IYD: variants seen among roughly 807,000 people sequenced by gnomAD.
The protein encoded by IYD is iodotyrosine deiodinase, also known as iodotyrosine deiodinase 1.
IYD carries 25 observed loss-of-function variants against 28.4 expected under a neutral mutation model. That is an observed-to-expected ratio of 0.88 (90% CI 0.64 to 1.23). The LOEUF (loss-of-function observed/expected upper bound fraction) is 1.23. IYD is among the 50% of genes most tolerant of loss of function. The pLI is 0.00. For synonymous variants in IYD, 140 were observed against 130.8 expected, an observed-to-expected ratio of 1.07 and a Z score of -0.48; for missense variants, 352 against 357.9, an observed-to-expected ratio of 0.98 and a Z score of 0.13.
chr6:150,392,402 C>A lies in IYD; in HGVS notation c.428C>A (p.Pro143Gln), dbSNP rs1457805066. ...EPWTFVVVKD[P>Q]DVKHKIRKII... ...TGGACCTTCGTGGTTGTGAAGGACC[C>A]AGACGTGAAGCACAAGATTCGAAAG... Residue 143 changes from proline to glutamine, a missense_variant, in exon 3 of 5, where the codon CCA becomes CAA. By Grantham distance (76) the Pro-to-Gln change is moderately conservative. Coordinates refer to ENST00000344419, the MANE Select transcript of IYD (RefSeq NM_203395.3). The A allele has an allele frequency of 3.7e-6, 6 of 1,613,640 alleles. No homozygotes were observed. Among genetic ancestry groups the A allele is most frequent in the Non-Finnish European group, 5.1e-6 (6 of 1,179,800 alleles).
intron 1 of IYD, among the ~76,000 whole-genome samples, chr6:150,375,471 T>C (rs1777412777): frequency 6.6e-6 from 1 of 152,238 alleles, no homozygotes; most frequent in Admixed American, 6.5e-5. Flanking sequence ...AAAAGCCTTA[T>C]GATCGTGATG....
intron 1 of IYD, among the ~76,000 whole-genome samples, chr6:150,383,706 T>C (rs1777736997): frequency 6.7e-6 from 1 of 148,316 alleles, no homozygotes; most frequent in Non-Finnish European, 1.5e-5. Flanking sequence ...CTCATGCCTG[T>C]AATCCCAGCA....
rs1305664268 is a variant in IYD, at chr6:150,400,619, G to A, written c.*2382G>A. The A allele has an allele frequency of 3.9e-5, 6 of 152,206 alleles. No individual in the cohort carries two copies. The highest frequency in any genetic ancestry group is 1.4e-4 in the African/African-American group (6 of 41,448). 9.4% of individuals were successfully genotyped at this position (152,206 alleles called of 1,614,324 possible). A position where few individuals can be genotyped will look rare whatever the true frequency, so the allele number is the denominator to read the frequency against. On this transcript the variant is annotated 3_prime_UTR_variant, in exon 5 of 5. Coordinates refer to ENST00000344419, the MANE Select transcript of IYD (RefSeq NM_203395.3). ...AATAGGCCTGGACTATTTAAGGAGT[G>A]AGTGTCACTGTGGGAAGAATAAGAG...
In IYD at chr6:150,398,062, GT is replaced by G. The variant is rs1158953029; in HGVS notation, c.696del (p.Leu233TrpfsTer2). On this transcript the variant is annotated frameshift_variant, in exon 5 of 5. Transcript: ENST00000344419. LOFTEE classifies it high-confidence loss of function. ...GILLAALQNAGLVTVTTTPLN... is the reference protein window; with the variant it reads ...GILLAALQNAXLVTVTTTPLN... ...CTTGTCCTCTTATTTTAGAATGCAG[GT>G]CTGGTGACTGTCACTACCACTCCTC... 4 of 1,614,128 alleles carry G rather than the reference GT, an allele frequency of 2.5e-6. No individual in the cohort carries two copies. Among genetic ancestry groups the G allele is most frequent in the Non-Finnish European group, 3.4e-6 (4 of 1,180,004 alleles).
rs1334148969 is a variant in IYD, at chr6:150,398,098, G to T, written c.731G>T (p.Gly244Val). Residue 244 changes from glycine (G) to valine (V), a missense_variant, in exon 5 of 5, where the codon GGC (glycine) becomes GTC (valine). Transcript: ENST00000344419. ...VTVTTTPLNCGPRLRVLLGRP... is the reference protein window; with the variant it reads ...VTVTTTPLNCVPRLRVLLGRP... ...GTCACTACCACTCCTCTCAACTGTG[G>T]CCCTCGACTGAGGGTGCTCCTGGGC... The T allele has an allele frequency of 1.2e-6, 2 of 1,614,128 alleles. 1 individual carries two copies. Among genetic ancestry groups the T allele is most frequent in the South Asian group, 2.2e-5 (2 of 91,074 alleles).
chr6:150,393,193 T>G (rs1038843823), intron 3 of IYD, among the ~76,000 whole-genome samples: 16 of 152,300 alleles, frequency 1.1e-4, no homozygotes, highest in Admixed American at 3.9e-4. Context: ...AGGGGGTGGG[T>G]ACACAAGAGT....
At chr6:150,391,105 C>T (rs1393409098) in intron 2 of IYD, among the ~76,000 whole-genome samples, 2 of 151,826 alleles carry the variant, frequency 1.3e-5, no homozygotes, top group African/African-American at 4.9e-5. Context: ...GATGTGGTGG[C>T]AGGTGCCTGT....
intron 1 of IYD, among the ~76,000 whole-genome samples, chr6:150,384,034 A>T (rs1777766113): frequency 2.6e-5 from 4 of 152,166 alleles, no homozygotes; most frequent in Admixed American, 1.3e-4. Flanking sequence ...TCCTAAAGAC[A>T]CAATTTAGGT....
chr6:150,375,840 C>T (rs1192448657), intron 1 of IYD, among the ~76,000 whole-genome samples: 1 of 152,174 alleles, frequency 6.6e-6, no homozygotes, highest in African/African-American at 2.4e-5. Context: ...TAACATCACT[C>T]CTCAAGGCTT....
intron 1 of IYD, among the ~76,000 whole-genome samples, chr6:150,370,291 GTGAGTGTGTGTGCA>G (rs1409534508): frequency 1.1e-4 from 16 of 145,848 alleles, no homozygotes; most frequent in East Asian, 4.3e-4. Context: ...ATGTGCATGT[GTGAGTGTGTGTGCA>G]TGAGTGTGTG....
Position 150,389,666 on chromosome 6 carries a change from A to T in IYD, c.370+123A>T, listed in dbSNP as rs1778037738. On this transcript the variant is annotated intron_variant, in intron 2 of 4. Coordinates refer to ENST00000344419, the MANE Select transcript of IYD (RefSeq NM_203395.3). ...GCCTAGAGTGATATGTTTATCTATAAAGTCTTACCCAAATGCTGAGTGAGT... is the reference window on the plus strand; with the variant it reads ...GCCTAGAGTGATATGTTTATCTATATAGTCTTACCCAAATGCTGAGTGAGT... 10 of 906,032 alleles carry T rather than the reference A, an allele frequency of 1.1e-5. No homozygotes were observed. The South Asian group carries it at 1.4e-4, about 12-fold the overall frequency. The allele number at this position is 906,032 out of a possible 1,614,324, so 56.1% of individuals were successfully genotyped here.
intron 1 of IYD, among the ~76,000 whole-genome samples, chr6:150,382,277 T>C (rs1426333014): frequency 6.6e-6 from 1 of 152,184 alleles, no homozygotes; most frequent in Non-Finnish European, 1.5e-5. Context: ...TGAGGCCGTC[T>C]CTCAGCTTGC....
rs577393140 is a variant in IYD, at chr6:150,378,165, C to T, written c.178+8956C>T. Among the ~76,000 whole-genome samples, 76 of 152,140 alleles carry T rather than the reference C, an allele frequency of 5.0e-4. 1 individual carries two copies. The highest frequency in any genetic ancestry group is 8.4e-4 in the Non-Finnish European group (57 of 67,988). On this transcript the variant is annotated intron_variant, in intron 1 of 4. Coordinates refer to ENST00000344419, the MANE Select transcript of IYD (RefSeq NM_203395.3). ...TTTGACCTTCTTCCACTCTTCCTTTCTTTTTATTTTATTTTATTTTATTAT... is the reference window on the plus strand; with the variant it reads ...TTTGACCTTCTTCCACTCTTCCTTTTTTTTTATTTTATTTTATTTTATTAT...
At chr6:150,388,783 C>T (rs1304396954) in intron 1 of IYD, among the ~76,000 whole-genome samples, 1 of 149,076 alleles carries the variant, frequency 6.7e-6, no homozygotes, top group Non-Finnish European at 1.5e-5. Flanking sequence ...CTCACTGCAA[C>T]TTCTGCCTCC....
intron 4 of IYD, among the ~76,000 whole-genome samples, chr6:150,394,897 C>T (rs1778254106): frequency 6.6e-6 from 1 of 152,224 alleles, no homozygotes; most frequent in Non-Finnish European, 1.5e-5. Flanking sequence ...GGCACCATCA[C>T]AGCTCACTGC....
At chr6:150,388,090 A>G (rs756936906) in intron 1 of IYD, among the ~76,000 whole-genome samples, 11 of 152,122 alleles carry the variant, frequency 7.2e-5, no homozygotes, top group African/African-American at 1.2e-4. Context: ...ACTTAAAATT[A>G]TTTGTATATT....
At chr6:150,393,146 T>C (rs1387926964) in intron 3 of IYD, among the ~76,000 whole-genome samples, 1 of 152,234 alleles carries the variant, frequency 6.6e-6, no homozygotes, top group Non-Finnish European at 1.5e-5. Context: ...TAAGCCACTT[T>C]ATGTATTTTA....
chr6:150,383,156 C>A (rs1311074613), intron 1 of IYD, among the ~76,000 whole-genome samples: 1 of 152,130 alleles, frequency 6.6e-6, no homozygotes, highest in Non-Finnish European at 1.5e-5. Flanking sequence ...AAGGTCAAAC[C>A]CTGTGGTTCC....
chr6:150,395,601 C>A, intron 4 of IYD: 1 of 1,510,174 alleles, frequency 6.6e-7, no homozygotes, highest in Non-Finnish European at 8.9e-7. Context: ...TTCACTTTGC[C>A]ATTGAGTTTG....
Sources: allele counts gnomAD v4.1 joint callset (sites outside exome capture counted in the v4.1 genomes callset), GRCh38; gene constraint gnomAD v4.1.1; transcripts MANE v1.5; gene names NCBI Gene and HGNC (gene_info 2026-07-23, HGNC 2026-07-21).